CNTN5: variants seen among roughly 807,000 people sequenced by gnomAD.
CNTN5 encodes the protein contactin 5.
In CNTN5, 77 loss-of-function variants were observed where a neutral mutation model predicts 129.1. The ratio of observed to expected loss-of-function variants is 0.60; its 90% CI spans 0.50 to 0.72. The LOEUF is 0.72. Ranked by LOEUF, CNTN5 falls within the 30% of genes least tolerant of loss-of-function variation. The pLI is 0.00. For synonymous variants in CNTN5, 509 were observed against 465.6 expected (o/e 1.09, Z -1.20); for missense variants, 1,478 against 1,328.8 (o/e 1.11, Z -1.75).
intron 2 of CNTN5, among the ~76,000 whole-genome samples, chr11:99,517,864 A>G (rs554267816): frequency 6.6e-6 from 1 of 152,278 alleles, no homozygotes; most frequent in African/African-American, 2.4e-5. Context: ...GTTTAGGGTT[A>G]GGACAGGGAC....
chr11:99,585,931 T>C (rs1433126422), intron 3 of CNTN5, among the ~76,000 whole-genome samples: 3 of 152,190 alleles, frequency 2.0e-5, no homozygotes, highest in African/African-American at 7.2e-5. Context: ...GATTTTCTTG[T>C]AAAATAAATT....
chr11:99,613,310 G>C (rs995089977), intron 3 of CNTN5, among the ~76,000 whole-genome samples: 1 of 152,248 alleles, frequency 6.6e-6, no homozygotes, highest in Admixed American at 6.5e-5. Flanking sequence ...TTTTATAAGG[G>C]GCTCTTCCCG....
intron 8 of CNTN5, among the ~76,000 whole-genome samples, chr11:99,970,617 T>A (rs1260828557): frequency 6.6e-6 from 1 of 152,220 alleles, no homozygotes; most frequent in Non-Finnish European, 1.5e-5. Context: ...AAAGGTTAGC[T>A]ATTAACACAG....
intron 3 of CNTN5, among the ~76,000 whole-genome samples, chr11:99,689,249 C>T (rs953483952): frequency 1.7e-4 from 26 of 152,150 alleles, no homozygotes; most frequent in Middle Eastern, 3.4e-3. Context: ...TCCTGAGGGC[C>T]GGGCGTGGTG....
chr11:99,909,025 C>T (rs773296620), intron 6 of CNTN5, among the ~76,000 whole-genome samples: 18 of 152,046 alleles, frequency 1.2e-4, no homozygotes, highest in Non-Finnish European at 2.5e-4. Context: ...TTGTCATTAT[C>T]TTTACAGATT....
intron 18 of CNTN5, among the ~76,000 whole-genome samples, chr11:100,278,480 A>C (rs1950564485): frequency 6.6e-6 from 1 of 151,988 alleles, no homozygotes; most frequent in African/African-American, 2.4e-5. Flanking sequence ...GTCCTTTTCA[A>C]TGTATTGCAT....
chr11:99,211,518 T>C (rs1357282690), intron 1 of CNTN5, among the ~76,000 whole-genome samples: 1 of 151,686 alleles, frequency 6.6e-6, no homozygotes, highest in African/African-American at 2.4e-5. Flanking sequence ...ATCTCTATTG[T>C]ACAATTCTAA....
At chr11:99,426,878 T>C (rs1373911793) in intron 2 of CNTN5, among the ~76,000 whole-genome samples, 1 of 152,218 alleles carries the variant, frequency 6.6e-6, no homozygotes, top group Non-Finnish European at 1.5e-5. Flanking sequence ...TCAGGAATCA[T>C]AGCCCTGTAA....
At chr11:100,328,691 T>C (rs188580981) in intron 21 of CNTN5, among the ~76,000 whole-genome samples, 1 of 151,940 alleles carries the variant, frequency 6.6e-6, no homozygotes, top group Admixed American at 6.6e-5. Context: ...AAGCCTCACC[T>C]CCAAATTGGG....
At chr11:100,039,664 G>A (rs1351789491) in intron 9 of CNTN5, among the ~76,000 whole-genome samples, 1 of 152,018 alleles carries the variant, frequency 6.6e-6, no homozygotes, top group Non-Finnish European at 1.5e-5. Context: ...GGCTTTGTTT[G>A]TTTCTTTTTG....
At chr11:100,168,930 C>T (rs548780758) in intron 13 of CNTN5, among the ~76,000 whole-genome samples, 9 of 151,704 alleles carry the variant, frequency 5.9e-5, no homozygotes, top group African/African-American at 2.2e-4. Flanking sequence ...GATTCCAACC[C>T]TTAGGGATGA....
Position 99,567,783 on chromosome 11 carries a change from G to T in CNTN5, c.55+11514G>T, listed in dbSNP as rs544036313. On this transcript the variant is annotated intron_variant, in intron 3 of 24. Coordinates refer to ENST00000524871, the MANE Select transcript of CNTN5 (RefSeq NM_014361.4). ...CTACCTCTGTGTGGAAACCCAAGTT[G>T]ACTTTTATCAGCTGTGCCCTGGCGG... Among the ~76,000 whole-genome samples, 238 of 152,248 alleles carry T rather than the reference G, an allele frequency of 1.6e-3. 1 individual carries two copies. Among genetic ancestry groups the T allele is most frequent in the Non-Finnish European group, 2.9e-3 (194 of 68,014 alleles).
intron 3 of CNTN5, among the ~76,000 whole-genome samples, chr11:99,781,017 G>A (rs1265660713): frequency 1.3e-5 from 2 of 152,002 alleles, no homozygotes; most frequent in Non-Finnish European, 2.9e-5. Context: ...AAAAATATTG[G>A]TAGATGCTAA....
chr11:100,015,863 C>T (rs1162713770), intron 9 of CNTN5, among the ~76,000 whole-genome samples: 2 of 151,972 alleles, frequency 1.3e-5, no homozygotes, highest in East Asian at 3.9e-4. Flanking sequence ...CCTTGTTAGG[C>T]ACATACTTAT....
intron 8 of CNTN5, among the ~76,000 whole-genome samples, chr11:99,972,949 T>G (rs568896481): frequency 2.6e-4 from 39 of 152,252 alleles, no homozygotes; most frequent in Middle Eastern, 3.4e-3. Context: ...TCCGTACATT[T>G]CCATGGTGAG....
chr11:99,825,339 T>C (rs1946920583), intron 4 of CNTN5, among the ~76,000 whole-genome samples: 1 of 152,040 alleles, frequency 6.6e-6, no homozygotes, highest in Admixed American at 6.5e-5. Flanking sequence ...TAGTCTATAG[T>C]GATTATCACT....
In CNTN5 at chr11:99,794,495, G is replaced by T. The variant is rs189159269; in HGVS notation, c.56-25049G>T. On this transcript the variant is annotated intron_variant, in intron 3 of 24. Coordinates refer to ENST00000524871, the MANE Select transcript of CNTN5 (RefSeq NM_014361.4). The stretch of plus-strand genomic sequence containing the variant: ...GTTAGCTGGGTTATTTTGCAAACTT[G>T]TTTATGTGGTTGCTTTATAGTGTCA... 3.9e-5 allele frequency among the ~76,000 whole-genome samples: 6 copies of T among 152,216 alleles called. 1 individual carries two copies. The highest frequency in any genetic ancestry group is 1.4e-4 in the African/African-American group (6 of 41,548).
At chr11:99,365,456 C>T (rs1171719682) in intron 2 of CNTN5, among the ~76,000 whole-genome samples, 2 of 152,126 alleles carry the variant, frequency 1.3e-5, no homozygotes, top group African/African-American at 4.8e-5. Context: ...CATGCTGTTT[C>T]ATAGAACATG....
intron 1 of CNTN5, among the ~76,000 whole-genome samples, chr11:99,187,141 C>A (rs549464078): frequency 6.6e-6 from 1 of 151,906 alleles, no homozygotes; most frequent in East Asian, 1.9e-4. Context: ...AGTGATAAAT[C>A]CAGCATTTTG....
Sources: allele counts gnomAD v4.1 joint callset (sites outside exome capture counted in the v4.1 genomes callset), GRCh38; gene constraint gnomAD v4.1.1; transcripts MANE v1.5; gene names NCBI Gene and HGNC (gene_info 2026-07-23, HGNC 2026-07-21).